The following ARPC5L variants were observed in gnomAD, a reference collection of about 807,000 sequenced individuals.
The protein encoded by ARPC5L is actin-related protein 2/3 complex subunit 5-like protein.
ARPC5L carries 4 observed loss-of-function variants against 16.9 expected under a neutral mutation model. The observed-to-expected ratio is 0.24, with a 90% CI of 0.12 to 0.54. The LOEUF is 0.54. Among genes scored for constraint, ARPC5L ranks in the 20% least tolerant of loss-of-function variants. The probability of loss-of-function intolerance (pLI) is 0.95; values close to 1 mark genes in which losing one functional copy is unlikely to be tolerated. For missense variants in ARPC5L, 151 were observed against 201.9 expected, an observed-to-expected ratio of 0.75 and a Z score of 1.53; for synonymous variants, 78 against 82.6, an observed-to-expected ratio of 0.94 and a Z score of 0.30.
Position 124,864,335 on chromosome 9 carries a change from G to A in ARPC5L, c.-864+228G>A, listed in dbSNP as rs968923103. On this transcript the variant is annotated intron_variant, in intron 2 of 5. Coordinates refer to ENST00000353214, the MANE Select transcript of ARPC5L (RefSeq NM_030978.3). ...TGAATAGCTGGGATTACATAGGTGC[G>A]TGCCACCATGCCCGGCTAATCTTTG... Among the ~76,000 whole-genome samples the A allele has an allele frequency of 3.9e-5, 6 of 151,950 alleles. No homozygotes were observed. The East Asian group carries it at 9.7e-4, about 25-fold the overall frequency.
rs1829451610 is a variant in ARPC5L, at chr9:124,877,016, A to G, written c.*76A>G. On this transcript the variant is annotated 3_prime_UTR_variant, in exon 6 of 6. Coordinates refer to ENST00000353214, the MANE Select transcript of ARPC5L (RefSeq NM_030978.3). ...CTGGTGAAGAAGGGATTGACAATGG[A>G]CCATCTTCCTAGGAACTCCCAAGTA... 8.5e-7 allele frequency: 1 copy of G among 1,173,490 alleles called. No individual in the cohort carries two copies. Among genetic ancestry groups the G allele is most frequent in the Admixed American group, 2.2e-5 (1 of 45,620 alleles). The allele number at this position is 1,173,490 out of a possible 1,614,324, so 72.7% of individuals were successfully genotyped here.
chr9:124,863,654 T>C (rs186547997), intron 1 of ARPC5L, among the ~76,000 whole-genome samples: 27 of 152,322 alleles, frequency 1.8e-4, no homozygotes, highest in Non-Finnish European at 2.8e-4. Context: ...CAAAATATCA[T>C]TGGTGTTCAT....
At chr9:124,876,852 C>T (rs768093710) in intron 5 of ARPC5L, 26 bp from the exon 6 acceptor site, 1 of 1,604,346 alleles carries the variant, frequency 6.2e-7, no homozygotes, top group Non-Finnish European at 8.5e-7. Flanking sequence ...TCTCATCTGA[C>T]ACGTTTTCTT....
Position 124,869,157 on chromosome 9 carries a change from G to A in ARPC5L, c.-134G>A, listed in dbSNP as rs566461565. 1.8e-5 allele frequency: 19 copies of A among 1,030,554 alleles called. 1 individual carries two copies. The East Asian group carries it at 5.8e-4, about 31-fold the overall frequency. The allele number at this position is 1,030,554 out of a possible 1,614,324, so 63.8% of individuals were successfully genotyped here. On this transcript the variant is annotated 5_prime_UTR_variant, in exon 3 of 6. Transcript: ENST00000353214. Reference sequence around the variant, plus strand: ...AGTGGGCGGGCGGCGGCGGCTGCGCGCGGAGGCGGTGGAGGAGGTGCTGGG... The same window carrying A: ...AGTGGGCGGGCGGCGGCGGCTGCGCACGGAGGCGGTGGAGGAGGTGCTGGG...
rs961959036 is a variant in ARPC5L at position 124,877,534 on chromosome 9, G to A, written c.*594G>A. The A allele has an allele frequency of 4.6e-5, 7 of 152,638 alleles. No homozygotes were observed. Among genetic ancestry groups the A allele is most frequent in the African/African-American group, 1.4e-4 (6 of 41,452 alleles). 9.5% of individuals were successfully genotyped at this position (152,638 alleles called of 1,614,324 possible). On this transcript the variant is annotated 3_prime_UTR_variant, in exon 6 of 6. Coordinates refer to ENST00000353214, the MANE Select transcript of ARPC5L (RefSeq NM_030978.3). ...GAAGGAGTAGACCTGTGTCCCTGTT[G>A]AGCCACCCCTGGGAGCGAGCATGGC...
rs930604151 is a variant in ARPC5L, at chr9:124,869,145, C to A, written c.-146C>A. ...GCGGGTGCCGGAAGTGGGCGGGCGG[C>A]GGCGGCTGCGCGCGGAGGCGGTGGA... is the stretch of plus-strand genomic sequence containing the variant. On this transcript the variant is annotated 5_prime_UTR_variant, in exon 3 of 6. Coordinates refer to ENST00000353214, the MANE Select transcript of ARPC5L (RefSeq NM_030978.3). 3.1e-6 allele frequency: 3 copies of A among 975,116 alleles called. No individual in the cohort carries two copies. Among genetic ancestry groups the A allele is most frequent in the Non-Finnish European group, 4.0e-6 (3 of 745,914 alleles). 60.4% of individuals were successfully genotyped at this position (975,116 alleles called of 1,614,324 possible). A position where few individuals can be genotyped will look rare whatever the true frequency, so the allele number is the denominator to read the frequency against.
At chr9:124,875,249 A>T in intron 5 of ARPC5L, 98 bp downstream of exon 5, 1 of 1,382,362 alleles carries the variant, frequency 7.2e-7, no homozygotes, top group Non-Finnish European at 9.9e-7. Context: ...GGACGGTCTG[A>T]TAGGCGTGTG....
intron 5 of ARPC5L, among the ~76,000 whole-genome samples, chr9:124,876,355 CGG>C (rs1564314063): frequency 5.9e-5 from 9 of 151,562 alleles, no homozygotes; most frequent in South Asian, 2.1e-4. Context: ...GGGGTGGTGG[CGG>C]GCGCCTGTAA....
At chr9:124,869,548 G>T in intron 3 of ARPC5L, 109 bp downstream of exon 3, 1 of 1,381,190 alleles carries the variant, frequency 7.2e-7, no homozygotes, top group Non-Finnish European at 9.3e-7. Flanking sequence ...CCGACCCTTG[G>T]CCCCCTCAGG....
chr9:124,866,407 A>T (rs924547642), intron 2 of ARPC5L, among the ~76,000 whole-genome samples: 3 of 151,964 alleles, frequency 2.0e-5, no homozygotes, highest in African/African-American at 7.3e-5. Context: ...CCATCTCAAA[A>T]AAAATGAATA....
chr9:124,864,499 A>C (rs1829244542), intron 2 of ARPC5L, among the ~76,000 whole-genome samples: 1 of 151,408 alleles, frequency 6.6e-6, no homozygotes, highest in Admixed American at 6.6e-5. Flanking sequence ...GGAACTGGGA[A>C]TACAGGCATG....
chr9:124,862,818 G>T (rs1186809290), intron 1 of ARPC5L, among the ~76,000 whole-genome samples: 1 of 151,546 alleles, frequency 6.6e-6, no homozygotes, highest in Admixed American at 6.6e-5. Flanking sequence ...GAGCCACCAC[G>T]CCTGGCCCCA....
intron 3 of ARPC5L, chr9:124,873,438 AC>A (rs1283496008): frequency 4.3e-5 from 23 of 534,428 alleles, no homozygotes; most frequent in Admixed American, 1.9e-4. Flanking sequence ...ACATCAAGTT[AC>A]CCCTCCAGGA....
intron 5 of ARPC5L, among the ~76,000 whole-genome samples, chr9:124,876,420 G>A (rs1290533439): frequency 6.6e-6 from 1 of 152,128 alleles, no homozygotes; most frequent in Non-Finnish European, 1.5e-5. Flanking sequence ...TGGGGAGGCA[G>A]GGTTGCAGTG....
At chr9:124,866,971 C>A (rs1829278716) in intron 2 of ARPC5L, among the ~76,000 whole-genome samples, 1 of 152,156 alleles carries the variant, frequency 6.6e-6, no homozygotes, top group Admixed American at 6.5e-5. Context: ...AAGACTGAGT[C>A]CTTTCCTCGG....
chr9:124,870,049 A>T (rs904603173), intron 3 of ARPC5L, among the ~76,000 whole-genome samples: 5 of 152,134 alleles, frequency 3.3e-5, no homozygotes, highest in Admixed American at 2.0e-4. Context: ...CCTCCCGCTT[A>T]ATGCTGAGAA....
rs1199187796 is a variant in ARPC5L at position 124,869,255 on chromosome 9, G to T, written c.-36G>T. ...CGGAGCAGAGCCGAGGTCGGGCCGC[G>T]AGCGGAGCCGGCTGAGCGGGCGCCG... On this transcript the variant is annotated 5_prime_UTR_variant, in exon 3 of 6. Transcript: ENST00000353214. The T allele has an allele frequency of 6.7e-7, 1 of 1,492,022 alleles. No homozygotes were observed. 92.4% of individuals were successfully genotyped at this position (1,492,022 alleles called of 1,614,324 possible). A position where few individuals can be genotyped will look rare whatever the true frequency, so the allele number is the denominator to read the frequency against.
chr9:124,864,288 C>T (rs780484581), intron 2 of ARPC5L, among the ~76,000 whole-genome samples, 181 bp downstream of exon 2: 1 of 151,444 alleles, frequency 6.6e-6, no homozygotes, highest in Non-Finnish European at 1.5e-5. Context: ...CAGGTTCAAG[C>T]GATCCTTGTG....
In ARPC5L at chr9:124,877,048, T is replaced by C; in HGVS notation, c.*108T>C. Reference sequence around the variant, plus strand: ...TCCTAGGAACTCCCAAGTAAACTATTTCAGGACATGTATCTGCTGAAATGT... The same window carrying C: ...TCCTAGGAACTCCCAAGTAAACTATCTCAGGACATGTATCTGCTGAAATGT... On this transcript the variant is annotated 3_prime_UTR_variant, in exon 6 of 6. Transcript: ENST00000353214. 1.2e-6 allele frequency: 1 copy of C among 812,290 alleles called. No homozygotes were observed. Among genetic ancestry groups the C allele is most frequent in the Non-Finnish European group, 1.9e-6 (1 of 517,840 alleles). The allele number at this position is 812,290 out of a possible 1,614,324, so 50.3% of individuals were successfully genotyped here.
Sources: allele counts gnomAD v4.1 joint callset (sites outside exome capture counted in the v4.1 genomes callset), GRCh38; gene constraint gnomAD v4.1.1; transcripts MANE v1.5; gene names NCBI Gene and HGNC (gene_info 2026-07-23, HGNC 2026-07-21).